The following PCDHGA4 variants were observed in gnomAD, a reference collection of about 807,000 sequenced individuals.
The protein encoded by PCDHGA4 is protocadherin gamma-A4.
Under a neutral mutation model 54.6 loss-of-function variants are expected in PCDHGA4, and 38 were observed. That is an observed-to-expected ratio of 0.70 (90% confidence interval 0.54 to 0.91). PCDHGA4 has a LOEUF of 0.91. Among genes scored for constraint, PCDHGA4 ranks in the 40% least tolerant of loss-of-function variants. The probability of loss-of-function intolerance (pLI) is 0.00; values close to 1 mark genes in which losing one functional copy is unlikely to be tolerated. For missense variants in PCDHGA4, 1,298 were observed against 1,220.9 expected (o/e 1.06, Z -0.94); for synonymous variants, 511 against 512.9 (o/e 1.00, Z 0.05).
At position 141,400,271 on chromosome 5, in the gene PCDHGA4, C is replaced by A. The variant is rs2093993934; in HGVS notation, c.2514+42650C>A. The A allele has an allele frequency of 4.3e-6, 7 of 1,614,094 alleles. No individual in the cohort carries two copies. In the African/African-American group the frequency reaches 9.3e-5, roughly 21 times the overall value. The stretch of plus-strand genomic sequence containing the variant: ...GTTGCCTTGCGCCTGCGACGCTCCT[C>A]CAGCCCTGCCGCCTGGAGCTGCTTC... On this transcript the variant is annotated intron_variant, in intron 1 of 3. Transcript: ENST00000571252.
intron 1 of PCDHGA4, among the ~76,000 whole-genome samples, chr5:141,448,629 C>T (rs1188418541): frequency 6.6e-6 from 1 of 152,060 alleles, no homozygotes; most frequent in Non-Finnish European, 1.5e-5. Flanking sequence ...CCTTTCTTCA[C>T]ATTATATCCT....
chr5:141,450,006 C>CT lies in PCDHGA4; in HGVS notation c.2515-44783dup, dbSNP rs1554136305. ...CACATTGCATTTAGTTGCCATGTCT[C>CT]TTTTTTTTTTTTTTTTTTGAGACAG... On this transcript the variant is annotated intron_variant, in intron 1 of 3. Coordinates refer to ENST00000571252, the MANE Select transcript of PCDHGA4 (RefSeq NM_018917.4). Among the ~76,000 whole-genome samples the CT allele has an allele frequency of 9.8e-3, 1,304 of 132,922 alleles. 21 individuals are homozygous for CT. Among genetic ancestry groups the CT allele is most frequent in the Non-Finnish European group, 0.015 (957 of 62,878 alleles). 87.2% of individuals were successfully genotyped at this position (132,922 alleles called of 152,430 possible).
At chr5:141,357,790 C>T in intron 1 of PCDHGA4, 169 bp downstream of exon 1, 2 of 835,328 alleles carry the variant, frequency 2.4e-6, no homozygotes, top group Non-Finnish European at 3.6e-6. Flanking sequence ...CAGTATTTAC[C>T]ACACAAAAAT....
At chr5:141,410,340 T>G in intron 1 of PCDHGA4, 1 of 1,614,068 alleles carries the variant, frequency 6.2e-7, no homozygotes, top group Non-Finnish European at 8.5e-7. Flanking sequence ...GCCATTGCCT[T>G]GCGCCTGCGA....
chr5:141,374,333 T>G lies in PCDHGA4; in HGVS notation c.2514+16712T>G, dbSNP rs767860795. 3.7e-6 allele frequency: 6 copies of G among 1,613,886 alleles called. No homozygotes were observed. In the African/African-American group the frequency reaches 5.3e-5, roughly 14 times the overall value. On this transcript the variant is annotated intron_variant, in intron 1 of 3. Coordinates refer to ENST00000571252, the MANE Select transcript of PCDHGA4 (RefSeq NM_018917.4). ...CTCTCTGAATCCGCGAAACGGCAGC[T>G]TGGTCACCGCGGGTAGGATAGACCG...
intron 1 of PCDHGA4, chr5:141,407,886 A>G (rs1390921977): frequency 2.6e-6 from 1 of 384,594 alleles, no homozygotes; most frequent in Non-Finnish European, 4.6e-6. Context: ...CATTTCGGAG[A>G]CCGAATTCAA....
intron 1 of PCDHGA4, chr5:141,372,072 C>G: frequency 1.2e-6 from 2 of 1,613,664 alleles, no homozygotes; most frequent in Non-Finnish European, 1.7e-6. Context: ...CGACAATGCA[C>G]CGCTGGTGCT....
At chr5:141,433,422 A>G (rs1172678396) in intron 1 of PCDHGA4, among the ~76,000 whole-genome samples, 1 of 150,646 alleles carries the variant, frequency 6.6e-6, no homozygotes, top group Admixed American at 6.6e-5. Context: ...TCTTGTACAG[A>G]CAGGAGTCTC....
In PCDHGA4 at chr5:141,433,051, G is replaced by A. The variant is rs754102028; in HGVS notation, c.2515-61756G>A. The A allele has an allele frequency of 1.8e-5, 29 of 1,614,066 alleles. No homozygotes were observed. In the East Asian group the frequency reaches 2.5e-4, roughly 14 times the overall value. On this transcript the variant is annotated intron_variant, in intron 1 of 3. Transcript: ENST00000571252. ...AGGTTTCCCTCACCACGGACTCGCG[G>A]AAGAGTCACCTGATCTTCCCCCAGC...
At chr5:141,469,807 T>C (rs1294838215) in intron 1 of PCDHGA4, among the ~76,000 whole-genome samples, 1 of 152,070 alleles carries the variant, frequency 6.6e-6, no homozygotes, top group African/African-American at 2.4e-5. Context: ...AAAAACATTG[T>C]AGATAGAATG....
intron 1 of PCDHGA4, chr5:141,399,883 A>C: frequency 6.2e-7 from 1 of 1,612,718 alleles, no homozygotes; most frequent in South Asian, 1.1e-5. Flanking sequence ...CCTGGTGACC[A>C]AGGTAGTGGC....
At chr5:141,458,907 A>AT (rs759653270) in intron 1 of PCDHGA4, among the ~76,000 whole-genome samples, 1 of 151,752 alleles carries the variant, frequency 6.6e-6, no homozygotes, top group Non-Finnish European at 1.5e-5. Context: ...AATTTTTTCT[A>AT]TTTTTTGTGG....
intron 1 of PCDHGA4, chr5:141,417,232 G>A (rs997894028): frequency 6.6e-6 from 1 of 152,072 alleles, no homozygotes; most frequent in Admixed American, 6.6e-5. Context: ...AAAATTTGTT[G>A]CTTATCTTCA....
At position 141,432,952 on chromosome 5, in the gene PCDHGA4, C is replaced by G. The variant is rs2097553312; in HGVS notation, c.2515-61855C>G. ...GCCTGCTGCAGGCTTCAGGAGGCGGCTTGACAGGAGCGCCGGCGTCGCACT... is the reference window on the plus strand; with the variant it reads ...GCCTGCTGCAGGCTTCAGGAGGCGGGTTGACAGGAGCGCCGGCGTCGCACT... On this transcript the variant is annotated intron_variant, in intron 1 of 3. Transcript: ENST00000571252. The surrounding 1 kb of genome is among the most constrained non-coding windows in gnomAD (Gnocchi z 6.0). 1 of 1,614,086 alleles carries G rather than the reference C, an allele frequency of 6.2e-7. No individual in the cohort carries two copies. Among genetic ancestry groups the G allele is most frequent in the South Asian group, 1.1e-5 (1 of 91,090 alleles).
intron 1 of PCDHGA4, chr5:141,408,814 A>G (rs1473137465): frequency 6.8e-6 from 11 of 1,613,456 alleles, no homozygotes; most frequent in Non-Finnish European, 8.5e-6. Context: ...ACCGGGAAGA[A>G]CAGAGATCTC....
intron 2 of PCDHGA4, among the ~76,000 whole-genome samples, 170 bp from the exon 3 acceptor site, chr5:141,505,223 A>G (rs746167057): frequency 1.9e-4 from 29 of 152,176 alleles, no homozygotes; most frequent in Admixed American, 6.5e-5. Flanking sequence ...GACTTGTGGG[A>G]TTCTGGCTTC....
At chr5:141,434,199 T>G (rs1406339464) in intron 1 of PCDHGA4, among the ~76,000 whole-genome samples, 1 of 151,914 alleles carries the variant, frequency 6.6e-6, no homozygotes, top group Non-Finnish European at 1.5e-5. Context: ...CCAATGTACT[T>G]ACTTCTGTCA....
chr5:141,432,120 A>G lies in PCDHGA4; in HGVS notation c.2515-62687A>G, dbSNP rs764363553. 12 of 1,613,978 alleles carry G rather than the reference A, an allele frequency of 7.4e-6. No homozygotes were observed. The highest frequency in any genetic ancestry group is 5.3e-5 in the African/African-American group (4 of 74,894). ...AACGACAACCCGCCGGTCTTCCCTCAGGCCTCCTATTCCGCTTATATCCCA... is the reference window on the plus strand; with the variant it reads ...AACGACAACCCGCCGGTCTTCCCTCGGGCCTCCTATTCCGCTTATATCCCA... On this transcript the variant is annotated intron_variant, in intron 1 of 3. Transcript: ENST00000571252. The surrounding 1 kb of genome is among the most constrained non-coding windows in gnomAD (Gnocchi z 6.0).
chr5:141,406,288 G>A (rs72790038), intron 1 of PCDHGA4, among the ~76,000 whole-genome samples: 9,719 of 151,928 alleles, frequency 0.064, 366 homozygotes, highest in African/African-American at 0.1. Context: ...CCAAAGCACT[G>A]GGTGAGGTGT....
Sources: gnomAD v4.1 joint callset for allele counts (sites outside exome capture counted in the v4.1 genomes callset) on GRCh38, gnomAD v4.1.1 for gene constraint, Gnocchi (gnomAD v3.1) non-coding constraint, MANE v1.5 for transcripts, NCBI Gene and HGNC (gene_info 2026-07-23, HGNC 2026-07-21) for gene names.